Variants in MMACHC observed in about 807,000 individuals in gnomAD.
MMACHC encodes the protein cyanocobalamin reductase / alkylcobalamin dealkylase.
A neutral mutation model predicts 17.6 loss-of-function variants in MMACHC; 14 were observed. The observed-to-expected ratio is 0.80, with a 90% CI of 0.53 to 1.25. The LOEUF is 1.25. Among genes scored for constraint, MMACHC ranks in the 50% most tolerant of loss-of-function variants. The pLI is 0.00. For synonymous variants in MMACHC, 151 were observed against 142.1 expected (o/e 1.06, Z -0.45); for missense variants, 392 against 364.5 (o/e 1.08, Z -0.62).
chr1:45,507,636 G>T, intron 2 of MMACHC, 86 bp downstream of exon 2: 3 of 1,438,624 alleles, frequency 2.1e-6, no homozygotes, highest in South Asian at 1.2e-5. Flanking sequence ...TAGACCTAGG[G>T]CTAGGAGCCA....
At position 45,510,692 on chromosome 1, in the gene MMACHC, T is replaced by A. The variant is rs1162431484; in HGVS notation, c.*1477T>A. 1 of 152,224 alleles carries A rather than the reference T, an allele frequency of 6.6e-6. No individual in the cohort carries two copies. The highest frequency in any genetic ancestry group is 1.9e-4 in the East Asian group (1 of 5,198). The allele number at this position is 152,224 out of a possible 1,614,324, so 9.4% of individuals were successfully genotyped here. A position where few individuals can be genotyped will look rare whatever the true frequency, so the allele number is the denominator to read the frequency against. Reference sequence around the variant, plus strand: ...TCTTTTACATAGCAGGTACCAGGCATTTATCAGAAGAGGCCAAGCTTCTGG... The same window carrying A: ...TCTTTTACATAGCAGGTACCAGGCAATTATCAGAAGAGGCCAAGCTTCTGG... On this transcript the variant is annotated 3_prime_UTR_variant, in exon 4 of 4. Transcript: ENST00000401061.
intron 1 of MMACHC, among the ~76,000 whole-genome samples, chr1:45,501,500 A>G (rs1643545399): frequency 6.6e-6 from 1 of 152,180 alleles, no homozygotes; most frequent in African/African-American, 2.4e-5. Context: ...CTATATATGA[A>G]AAGATAGATT....
chr1:45,500,343 A>C lies in MMACHC; in HGVS notation c.11A>C (p.Lys4Thr), dbSNP rs1204198077. 1.9e-6 allele frequency: 3 copies of C among 1,614,020 alleles called. No individual in the cohort carries two copies. The highest frequency in any genetic ancestry group is 2.5e-6 in the Non-Finnish European group (3 of 1,180,044). Residue 4 changes from lysine (K) to threonine (T), a missense_variant, in exon 1 of 4, where the codon AAA becomes ACA. Physicochemically the swap from Lys to Thr is moderately conservative, Grantham distance 78. Transcript: ENST00000401061. ...CGTGTAACGTGCGCTATGGAGCCGA[A>C]AGTCGCAGAGCTGAAGCAGAAGATC... Reference protein sequence around the residue: MEPKVAELKQKIED... With the variant: MEPTVAELKQKIED...
intron 1 of MMACHC, among the ~76,000 whole-genome samples, chr1:45,506,016 G>C (rs1399980538): frequency 6.6e-6 from 1 of 152,142 alleles, no homozygotes; most frequent in African/African-American, 2.4e-5. Context: ...AGATGCTCTG[G>C]ATATAGTAAA....
intron 1 of MMACHC, among the ~76,000 whole-genome samples, chr1:45,503,170 G>A (rs1239159354): frequency 1.3e-5 from 2 of 152,014 alleles, no homozygotes; most frequent in Non-Finnish European, 2.9e-5. Context: ...AGGCCAAGGT[G>A]GGTAAATTAC....
rs1356435938 is a variant in MMACHC, at chr1:45,512,617, A to AGCAGAGACCAACAGAGTCTG, written c.*3403_*3422dup. On this transcript the variant is annotated 3_prime_UTR_variant, in exon 4 of 4. Coordinates refer to ENST00000401061, the MANE Select transcript of MMACHC (RefSeq NM_015506.3). Reference sequence around the variant, plus strand: ...TACATGTTCCAGTGGGATGGGAAGCAGCAGAGACCAACAGAGTCTGAAGAA... The same window carrying AGCAGAGACCAACAGAGTCTG: ...TACATGTTCCAGTGGGATGGGAAGCAGCAGAGACCAACAGAGTCTGGCAGAGACCAACAGAGTCTGAAGAA... The AGCAGAGACCAACAGAGTCTG allele has an allele frequency of 5.9e-5, 9 of 152,018 alleles. No homozygotes were observed. The highest frequency in any genetic ancestry group is 1.9e-4 in the African/African-American group (8 of 41,410). 9.4% of individuals were successfully genotyped at this position (152,018 alleles called of 1,614,324 possible).
Position 45,508,907 on chromosome 1 carries a change from G to A in MMACHC, c.541G>A (p.Asp181Asn), listed in dbSNP as rs758426429. ...AGATCTGCCACCCAGAAAACCTCAT[G>A]ACTGTGTACCTACAAGAGCTGACCG... ...VPDLPPRKPH[D>N]CVPTRADRIA... The change falls in exon 4 of 4, where the codon GAC becomes AAC. Residue 181 changes from aspartate to asparagine, a missense_variant. Asp to Asn is a conservative substitution (Grantham distance 23). Coordinates refer to ENST00000401061, the MANE Select transcript of MMACHC (RefSeq NM_015506.3). 1 of 1,614,194 alleles carries A rather than the reference G, an allele frequency of 6.2e-7. No homozygotes were observed. The highest frequency in any genetic ancestry group is 1.1e-5 in the South Asian group (1 of 91,074).
Position 45,513,234 on chromosome 1 carries a change from G to A in MMACHC, c.*4019G>A, listed in dbSNP as rs1200651885. 1 of 152,212 alleles carries A rather than the reference G, an allele frequency of 6.6e-6. No individual in the cohort carries two copies. The highest frequency in any genetic ancestry group is 1.5e-5 in the Non-Finnish European group (1 of 68,044). The allele number at this position is 152,212 out of a possible 1,614,324, so 9.4% of individuals were successfully genotyped here. ...AAAAATGGCATGCTTTATCTCTAGA[G>A]GTGATTCCCAACCATTTTGTTTTGC... On this transcript the variant is annotated 3_prime_UTR_variant, in exon 4 of 4. Coordinates refer to ENST00000401061, the MANE Select transcript of MMACHC (RefSeq NM_015506.3).
Position 45,512,069 on chromosome 1 carries a change from C to CTTTTTTTTT in MMACHC, c.*2873_*2881dup, listed in dbSNP as rs869087041. 3.9e-4 allele frequency: 26 copies of CTTTTTTTTT among 66,916 alleles called. No individual in the cohort carries two copies. The highest frequency in any genetic ancestry group is 4.7e-4 in the African/African-American group (8 of 17,174). The allele number at this position is 66,916 out of a possible 1,614,324, so 4.1% of individuals were successfully genotyped here. On this transcript the variant is annotated 3_prime_UTR_variant, in exon 4 of 4. Transcript: ENST00000401061. ...GCAAGGGGACTAATCTCTTATTTTTCTTTTTTTTTTTTTTTTTTTTTTTTT... is the reference window on the plus strand; with the variant it reads ...GCAAGGGGACTAATCTCTTATTTTTCTTTTTTTTTTTTTTTTTTTTTTTTTTTTTTTTTT...
Position 45,513,380 on chromosome 1 carries a change from C to T in MMACHC, c.*4165C>T, listed in dbSNP as rs1643792711. 1 of 152,180 alleles carries T rather than the reference C, an allele frequency of 6.6e-6. No homozygotes were observed. Among genetic ancestry groups the T allele is most frequent in the Non-Finnish European group, 1.5e-5 (1 of 68,062 alleles). 9.4% of individuals were successfully genotyped at this position (152,180 alleles called of 1,614,324 possible). On this transcript the variant is annotated 3_prime_UTR_variant, in exon 4 of 4. Transcript: ENST00000401061. ...ACTTTGAATAAAAAGCCTTTATATT[C>T]TCCTTCCCAAGCTTTTCCATTACCC...
Position 45,511,497 on chromosome 1 carries a change from C to T in MMACHC, c.*2282C>T, listed in dbSNP as rs1412265072. The T allele has an allele frequency of 2.7e-6, 3 of 1,120,528 alleles. No homozygotes were observed. Among genetic ancestry groups the T allele is most frequent in the Non-Finnish European group, 3.9e-6 (3 of 765,166 alleles). 69.4% of individuals were successfully genotyped at this position (1,120,528 alleles called of 1,614,324 possible). The stretch of plus-strand genomic sequence containing the variant: ...TCCTATGGACAAAACCAGTTCTGCA[C>T]CTGAACACTCAGATACCAGGAAACC... On this transcript the variant is annotated 3_prime_UTR_variant, in exon 4 of 4. Coordinates refer to ENST00000401061, the MANE Select transcript of MMACHC (RefSeq NM_015506.3).
intron 1 of MMACHC, among the ~76,000 whole-genome samples, chr1:45,501,539 A>G (rs1643545869): frequency 6.6e-6 from 1 of 152,194 alleles, no homozygotes; most frequent in Non-Finnish European, 1.5e-5. Flanking sequence ...GTACATCCCA[A>G]ATATCAGAAA....
chr1:45,509,546 G>A lies in MMACHC; in HGVS notation c.*331G>A, dbSNP rs897023368. On this transcript the variant is annotated 3_prime_UTR_variant, in exon 4 of 4. Transcript: ENST00000401061. Reference sequence around the variant, plus strand: ...ATCTGCCTCAGCCTCCTGAGTAGCTGGGATGACAGGTGCCTGCCACTACAC... The same window carrying A: ...ATCTGCCTCAGCCTCCTGAGTAGCTAGGATGACAGGTGCCTGCCACTACAC... The A allele has an allele frequency of 4.3e-6, 1 of 234,022 alleles. No homozygotes were observed. The highest frequency in any genetic ancestry group is 8.2e-6 in the Non-Finnish European group (1 of 121,902). 14.5% of individuals were successfully genotyped at this position (234,022 alleles called of 1,614,324 possible). A position where few individuals can be genotyped will look rare whatever the true frequency, so the allele number is the denominator to read the frequency against.
At position 45,508,217 on chromosome 1, in the gene MMACHC, C is replaced by G. The variant is rs751229877; in HGVS notation, c.282C>G (p.Leu94=). ...TATTTTGTCCACTGTTCCAGAGCCT[C>G]CCAGAGCTGCAGATAGAAATCATTG... The part of the protein sequence containing the change: ...AYHLGRVRES[L]PELQIEIIAD... Residue 94 remains leucine, a synonymous_variant, in exon 3 of 4, where the codon CTC becomes CTG. Transcript: ENST00000401061. 3.7e-6 allele frequency: 6 copies of G among 1,614,166 alleles called. No individual in the cohort carries two copies. The Admixed American group carries it at 6.7e-5, about 18-fold the overall frequency.
intron 1 of MMACHC, among the ~76,000 whole-genome samples, chr1:45,505,538 C>T (rs899504361): frequency 6.6e-6 from 1 of 152,032 alleles, no homozygotes; most frequent in African/African-American, 2.4e-5. Flanking sequence ...AAGCAGTCCT[C>T]CTACCTCAGC....
At position 45,511,317 on chromosome 1, in the gene MMACHC, A is replaced by G. The variant is rs769789720; in HGVS notation, c.*2102A>G. The G allele has an allele frequency of 1.3e-6, 2 of 1,597,746 alleles. No individual in the cohort carries two copies. The highest frequency in any genetic ancestry group is 1.1e-5 in the South Asian group (1 of 88,508). On this transcript the variant is annotated 3_prime_UTR_variant, in exon 4 of 4. Transcript: ENST00000401061. ...CTGCCCACCGCAGCCTGGCACTAAA[A>G]CAGCCCAGCGCTCACTTCTGCTTGG...
At chr1:45,503,470 CTG>C (rs1319158953) in intron 1 of MMACHC, among the ~76,000 whole-genome samples, 1 of 123,270 alleles carries the variant, frequency 8.1e-6, no homozygotes, top group East Asian at 2.8e-4. Context: ...GAGTCTCACT[CTG>C]TTGCCCCGGC....
In MMACHC at chr1:45,509,484, A is replaced by G. The variant is rs35067820; in HGVS notation, c.*269A>G. 2,010 of 371,720 alleles carry G rather than the reference A, an allele frequency of 5.4e-3. 29 individuals are homozygous for G. Among genetic ancestry groups the G allele is most frequent in the African/African-American group, 0.037 (1,553 of 41,686 alleles). 23.0% of individuals were successfully genotyped at this position (371,720 alleles called of 1,614,324 possible). On this transcript the variant is annotated 3_prime_UTR_variant, in exon 4 of 4. Transcript: ENST00000401061. ...GCTGGAGTGCAGTGGCACAGTCTCT[A>G]CTCACTGCAACCTCTGCCTCCTGGG... is the stretch of plus-strand genomic sequence containing the variant.
At chr1:45,507,911 CAG>C (rs542187692) in intron 2 of MMACHC, among the ~76,000 whole-genome samples, 3 of 152,204 alleles carry the variant, frequency 2.0e-5, no homozygotes, top group Non-Finnish European at 4.4e-5. Flanking sequence ...CTTTTGAGGA[CAG>C]AACAATATTC....
Sources: gnomAD v4.1 joint callset for allele counts (sites outside exome capture counted in the v4.1 genomes callset) on GRCh38, gnomAD v4.1.1 for gene constraint, MANE v1.5 for transcripts, NCBI Gene and HGNC (gene_info 2026-07-23, HGNC 2026-07-21) for gene names.